The following FBN1 variants were observed in gnomAD, a reference collection of about 807,000 sequenced individuals.
FBN1 encodes fibrillin 1, also known as fibrillin-1.
A neutral mutation model predicts 365.1 loss-of-function variants in FBN1; 29 were observed. That is an observed-to-expected ratio of 0.08 (90% confidence interval 0.06 to 0.11). The LOEUF (loss-of-function observed/expected upper bound fraction) is 0.11, where lower values mean the gene tolerates loss of function less well. Ranked by LOEUF, FBN1 falls within the 10% of genes least tolerant of loss-of-function variation. FBN1 has a pLI of 1.00. For missense variants in FBN1, 2,476 were observed against 3,703.2 expected (o/e 0.67, Z 8.60); for synonymous variants, 1,210 against 1,270.5 (o/e 0.95, Z 1.01).
At chr15:48,543,064 G>A (rs2044070154) in intron 6 of FBN1, among the ~76,000 whole-genome samples, 1 of 151,530 alleles carries the variant, frequency 6.6e-6, no homozygotes, top group South Asian at 2.1e-4. Flanking sequence ...CTGATTATGA[G>A]GCACTTTATT....
At position 48,415,741 on chromosome 15, in the gene FBN1, T is replaced by C. The variant is rs143677764; in HGVS notation, c.7846A>G (p.Ile2616Val). 1.7e-4 allele frequency: 277 copies of C among 1,614,072 alleles called. No individual in the cohort carries two copies. Among genetic ancestry groups the C allele is most frequent in the Non-Finnish European group, 2.1e-4 (250 of 1,180,008 alleles). ...TTGTGACAGGAGGCTCCTCCGCAGA[T>C]GTGAGCGCTGAGGCATTCGTTTTCA... ...VDENECLSAH[I>V]CGGASCHNTL... Residue 2616 changes from isoleucine (I) to valine (V), a missense_variant, in exon 64 of 66, where the codon ATC (isoleucine) becomes GTC (valine). Coordinates refer to ENST00000316623, the MANE Select transcript of FBN1 (RefSeq NM_000138.5).
chr15:48,596,150 A>G (rs1449111736), intron 6 of FBN1, 133 bp downstream of exon 6: 3 of 804,590 alleles, frequency 3.7e-6, no homozygotes, highest in Non-Finnish European at 6.3e-6. Flanking sequence ...GGACCTTCCC[A>G]ATGACAAATG....
intron 10 of FBN1, among the ~76,000 whole-genome samples, chr15:48,517,649 A>G (rs2043816560): frequency 1.3e-5 from 2 of 152,068 alleles, no homozygotes; most frequent in African/African-American, 4.8e-5. Flanking sequence ...GGATGTATTT[A>G]TTTTATTTAT....
intron 58 of FBN1, among the ~76,000 whole-genome samples, 198 bp downstream of exon 58, chr15:48,427,369 G>C (rs2042985870): frequency 6.6e-6 from 1 of 152,168 alleles, no homozygotes; most frequent in East Asian, 1.9e-4. Flanking sequence ...AGCACACACA[G>C]CTTAATCAAG....
intron 6 of FBN1, among the ~76,000 whole-genome samples, chr15:48,571,780 C>CA (rs2044307176): frequency 1.3e-5 from 2 of 151,848 alleles, no homozygotes; most frequent in African/African-American, 2.4e-5. Flanking sequence ...ATTCTAAATA[C>CA]AAAAAACACT....
chr15:48,485,582 TG>T, intron 29 of FBN1, 86 bp from the exon 30 acceptor site: 1 of 1,442,686 alleles, frequency 6.9e-7, no homozygotes. Context: ...TAACTGCCAT[TG>T]TAACACTATT....
chr15:48,636,402 T>A (rs1890092941), intron 2 of FBN1, among the ~76,000 whole-genome samples: 1 of 152,158 alleles, frequency 6.6e-6, no homozygotes, highest in South Asian at 2.1e-4. Flanking sequence ...CCCTTCGAGT[T>A]AGCCTACGGT....
chr15:48,446,311 G>T lies in FBN1; in HGVS notation c.5788+395C>A, dbSNP rs537847319. 4.6e-4 allele frequency among the ~76,000 whole-genome samples: 70 copies of T among 152,222 alleles called. 1 individual carries two copies. The highest frequency in any genetic ancestry group is 1.3e-3 in the African/African-American group (54 of 41,548). ...TGAGAGAGAGAGAGACAGTGCACAA[G>T]AAAGTACAGTCATATAACTTTTATT... On this transcript the variant is annotated intron_variant, in intron 47 of 65. Transcript: ENST00000316623.
intron 32 of FBN1, among the ~76,000 whole-genome samples, chr15:48,479,178 C>A (rs571143270): frequency 6.6e-6 from 1 of 152,146 alleles, no homozygotes; most frequent in Non-Finnish European, 1.5e-5. Context: ...GTGAATGACA[C>A]GAATTTTAAA....
intron 13 of FBN1, among the ~76,000 whole-genome samples, chr15:48,511,880 T>A (rs879877392): frequency 3.3e-5 from 5 of 152,228 alleles, no homozygotes; most frequent in Non-Finnish European, 5.9e-5. Context: ...TAACCACCTC[T>A]CTTTGCTTAT....
At chr15:48,465,716 A>T (rs755511605) in intron 39 of FBN1, 23 bp from the exon 40 acceptor site, 93 of 1,613,810 alleles carry the variant, frequency 5.8e-5, no homozygotes, top group South Asian at 1.1e-5. Context: ...AAACAAAGGC[A>T]TTCCTTTAGC....
chr15:48,439,671 T>C (rs930412430), intron 50 of FBN1, among the ~76,000 whole-genome samples: 4 of 152,166 alleles, frequency 2.6e-5, no homozygotes, highest in Non-Finnish European at 5.9e-5. Context: ...AATATTGGTG[T>C]ATTAAAATTC....
At chr15:48,498,457 C>T (rs747625231) in intron 18 of FBN1, among the ~76,000 whole-genome samples, 6 of 152,116 alleles carry the variant, frequency 3.9e-5, no homozygotes, top group Non-Finnish European at 5.9e-5. Flanking sequence ...TCCAATTCTC[C>T]TTTTTAACTT....
At chr15:48,548,874 G>A (rs2044118689) in intron 6 of FBN1, among the ~76,000 whole-genome samples, 1 of 152,146 alleles carries the variant, frequency 6.6e-6, no homozygotes, top group Non-Finnish European at 1.5e-5. Flanking sequence ...TATTTATGAA[G>A]CATGTTAACA....
At chr15:48,411,931 A>C (rs1488307958) in intron 65 of FBN1, among the ~76,000 whole-genome samples, 1 of 152,214 alleles carries the variant, frequency 6.6e-6, no homozygotes, top group African/African-American at 2.4e-5. Context: ...TCCTAAGGAC[A>C]CACCTATGAG....
intron 53 of FBN1, among the ~76,000 whole-genome samples, chr15:48,436,552 C>T (rs573252977): frequency 4.6e-5 from 7 of 152,224 alleles, no homozygotes; most frequent in Admixed American, 2.6e-4. Context: ...GGTTATATAG[C>T]CTTTCATCTT....
chr15:48,468,051 C>T lies in FBN1; in HGVS notation c.4634G>A (p.Gly1545Glu). 1 of 1,614,120 alleles carries T rather than the reference C, an allele frequency of 6.2e-7. No individual in the cohort carries two copies. The highest frequency in any genetic ancestry group is 8.5e-7 in the Non-Finnish European group (1 of 1,180,016). The change falls in exon 38 of 66, where the codon GGA (glycine) becomes GAA (glutamate). Residue 1545 changes from glycine to glutamate, a missense_variant. Physicochemically the swap from Gly to Glu is moderately conservative, Grantham distance 98. Around this residue, in one of 5 missense-constraint regions of FBN1, gnomAD observed 1,780 missense variants for 2,840.8 expected, o/e 0.63. Transcript: ENST00000316623. ...YLDIRPRGDN[G>E]DTACSNEIGV... ...AATTTCATTGCTGCAGGCTGTATCT[C>T]CATTGTCTCCTCGAGGTCGAATATC...
intron 2 of FBN1, among the ~76,000 whole-genome samples, chr15:48,617,380 G>A (rs911310357): frequency 2.6e-5 from 4 of 151,770 alleles, no homozygotes; most frequent in African/African-American, 9.7e-5. Context: ...TCACCATATT[G>A]GCCAGGCTGG....
intron 18 of FBN1, among the ~76,000 whole-genome samples, chr15:48,498,780 A>G (rs2043630710): frequency 6.6e-6 from 1 of 152,164 alleles, no homozygotes; most frequent in Non-Finnish European, 1.5e-5. Flanking sequence ...CAAGTCCCAC[A>G]GCCACACCCA....
Sources: gnomAD v4.1 joint callset for allele counts (sites outside exome capture counted in the v4.1 genomes callset) on GRCh38, gnomAD v4.1.1 for gene constraint, gnomAD v4.1.1 regional missense constraint, MANE v1.5 for transcripts, NCBI Gene and HGNC (gene_info 2026-07-23, HGNC 2026-07-21) for gene names.